STXBP5: variants seen among roughly 807,000 people sequenced by gnomAD.
STXBP5 encodes syntaxin binding protein 5.
STXBP5 carries 50 observed loss-of-function variants against 152.4 expected under a neutral mutation model. That is an observed-to-expected ratio of 0.33 (90% CI 0.26 to 0.42). The LOEUF (loss-of-function observed/expected upper bound fraction) is 0.42. Among genes scored for constraint, STXBP5 ranks in the 10% least tolerant of loss-of-function variants. STXBP5 has a pLI of 1.00. For synonymous variants in STXBP5, 492 were observed against 494.7 expected, an observed-to-expected ratio of 0.99 and a Z score of 0.07; for missense variants, 1,167 against 1,388.6, an observed-to-expected ratio of 0.84 and a Z score of 2.54.
At chr6:147,314,357 G>A in intron 13 of STXBP5, 26 bp downstream of exon 13, 3 of 1,587,792 alleles carry the variant, frequency 1.9e-6, no homozygotes, top group East Asian at 4.5e-5. Flanking sequence ...TCTTCACCAA[G>A]TAAATCTATA....
At chr6:147,362,227 T>C (rs1785100450) in intron 23 of STXBP5, among the ~76,000 whole-genome samples, 2 of 152,162 alleles carry the variant, frequency 1.3e-5, no homozygotes. Flanking sequence ...TTTTTTCTTC[T>C]AAAATGTTTT....
intron 16 of STXBP5, among the ~76,000 whole-genome samples, chr6:147,324,388 T>C (rs1783116072): frequency 6.9e-6 from 1 of 145,790 alleles, no homozygotes; most frequent in African/African-American, 2.5e-5. Flanking sequence ...TTCTCCTGCC[T>C]CAGCCTCCAG....
intron 11 of STXBP5, among the ~76,000 whole-genome samples, chr6:147,312,612 C>T (rs181482210): frequency 2.6e-4 from 40 of 152,206 alleles, no homozygotes; most frequent in Admixed American, 1.0e-3. Flanking sequence ...GGACAGTTCC[C>T]TACAGTAGAA....
At chr6:147,355,987 G>A (rs1784798086) in intron 22 of STXBP5, among the ~76,000 whole-genome samples, 1 of 152,012 alleles carries the variant, frequency 6.6e-6, no homozygotes, top group Admixed American at 6.6e-5. Flanking sequence ...AGTCTAGGCA[G>A]ATAATAAAAT....
intron 6 of STXBP5, among the ~76,000 whole-genome samples, 193 bp from the exon 7 acceptor site, chr6:147,266,891 A>G (rs998220534): frequency 6.6e-6 from 1 of 152,174 alleles, no homozygotes; most frequent in African/African-American, 2.4e-5. Flanking sequence ...TAATCATCAA[A>G]GACATATAAA....
chr6:147,240,197 C>G (rs765098544), intron 4 of STXBP5, among the ~76,000 whole-genome samples: 56 of 152,182 alleles, frequency 3.7e-4, no homozygotes, highest in Non-Finnish European at 7.2e-4. Context: ...CCGCCTCAGC[C>G]TCCCAAAGAG....
intron 9 of STXBP5, among the ~76,000 whole-genome samples, chr6:147,294,066 C>T (rs1044223265): frequency 6.6e-6 from 1 of 152,280 alleles, no homozygotes; most frequent in South Asian, 2.1e-4. Context: ...CAGATGTTCT[C>T]TAGCATAGGG....
At chr6:147,361,855 A>G (rs904627693) in intron 23 of STXBP5, among the ~76,000 whole-genome samples, 14 of 152,222 alleles carry the variant, frequency 9.2e-5, no homozygotes, top group African/African-American at 3.4e-4. Flanking sequence ...TTGAAAGAAA[A>G]GCTAGCTTTA....
chr6:147,252,508 T>TGACGACAAGATTAGAGAAAAAAG (rs1779147671), intron 4 of STXBP5, among the ~76,000 whole-genome samples: 7 of 151,750 alleles, frequency 4.6e-5, no homozygotes, highest in Admixed American at 4.6e-4. Context: ...AAATAAAGCA[T>TGACGACAAGATTAGAGAAAAAAG]GACGACAAGA....
At chr6:147,242,410 G>C (rs1173888220) in intron 4 of STXBP5, among the ~76,000 whole-genome samples, 3 of 151,952 alleles carry the variant, frequency 2.0e-5, no homozygotes, top group Middle Eastern at 6.3e-3. Flanking sequence ...ATTTAGCCTG[G>C]ACTAAGAGTC....
intron 16 of STXBP5, among the ~76,000 whole-genome samples, chr6:147,323,257 A>G (rs569412730): frequency 1.3e-5 from 2 of 152,148 alleles, no homozygotes; most frequent in African/African-American, 4.8e-5. Context: ...ATGTGTTTCA[A>G]TCTCCCTTTT....
intron 27 of STXBP5, 53 bp downstream of exon 27, chr6:147,383,051 G>A: frequency 1.3e-6 from 2 of 1,570,162 alleles, no homozygotes; most frequent in Non-Finnish European, 1.7e-6. Context: ...AAGCAAGTGT[G>A]AATGTTACTT....
chr6:147,340,743 G>A (rs1166904592), intron 21 of STXBP5, among the ~76,000 whole-genome samples: 1 of 151,994 alleles, frequency 6.6e-6, no homozygotes, highest in African/African-American at 2.4e-5. Flanking sequence ...TTTATTAAAT[G>A]TACTGACTAC....
In STXBP5 at chr6:147,213,483, C is replaced by CGT. The variant is rs1460108753; in HGVS notation, c.248+7416_248+7417insTG. Among the ~76,000 whole-genome samples, 180 of 126,948 alleles carry CGT rather than the reference C, an allele frequency of 1.4e-3. 2 individuals are homozygous for CGT. Among genetic ancestry groups the CGT allele is most frequent in the African/African-American group, 5.9e-3 (168 of 28,258 alleles). 83.3% of individuals were successfully genotyped at this position (126,948 alleles called of 152,430 possible). A position where few individuals can be genotyped will look rare whatever the true frequency, so the allele number is the denominator to read the frequency against. On this transcript the variant is annotated intron_variant, in intron 2 of 27. Coordinates refer to ENST00000321680, the MANE Select transcript of STXBP5 (RefSeq NM_001127715.4). ...GTGTGTGTGTGTGTGTGTGTGCGCGCGCATATATATATTTTTTCTTTTTCT... is the reference window on the plus strand; with the variant it reads ...GTGTGTGTGTGTGTGTGTGTGCGCGCGTGCATATATATATTTTTTCTTTTTCT...
chr6:147,320,575 G>GTA (rs1782880114), intron 16 of STXBP5, among the ~76,000 whole-genome samples: 1 of 126,788 alleles, frequency 7.9e-6, no homozygotes, highest in Non-Finnish European at 1.6e-5. Flanking sequence ...GTGTGTGTGT[G>GTA]TGTGTGTGTG....
In STXBP5 at chr6:147,389,685, G is replaced by A. The variant is rs1485947413; in HGVS notation, c.*4930G>A. On this transcript the variant is annotated 3_prime_UTR_variant, in exon 28 of 28. Transcript: ENST00000321680. ...TCCTATTTATTTGGTAGTTGGTTTT[G>A]TTTGTTTTTGTTTATTTACTTTTGC... is the stretch of plus-strand genomic sequence containing the variant. The A allele has an allele frequency of 6.6e-6, 1 of 151,756 alleles. No homozygotes were observed. The highest frequency in any genetic ancestry group is 2.4e-5 in the African/African-American group (1 of 41,390). The allele number at this position is 151,756 out of a possible 1,614,324, so 9.4% of individuals were successfully genotyped here. A position where few individuals can be genotyped will look rare whatever the true frequency, so the allele number is the denominator to read the frequency against.
chr6:147,220,210 G>C (rs967634622), intron 2 of STXBP5, among the ~76,000 whole-genome samples: 3 of 151,858 alleles, frequency 2.0e-5, no homozygotes, highest in Non-Finnish European at 4.4e-5. Flanking sequence ...TCGATTTCTA[G>C]TTTACTTCCA....
intron 25 of STXBP5, among the ~76,000 whole-genome samples, chr6:147,368,653 C>T (rs539838167): frequency 9.9e-5 from 15 of 152,108 alleles, no homozygotes; most frequent in African/African-American, 3.1e-4. Context: ...AAAAGGAAAG[C>T]GGCTGTCTTT....
chr6:147,258,808 A>C (rs916127867), intron 4 of STXBP5, among the ~76,000 whole-genome samples: 1 of 152,048 alleles, frequency 6.6e-6, no homozygotes, highest in Non-Finnish European at 1.5e-5. Context: ...GTATTATATA[A>C]AATCTTTCAT....
Sources: allele counts gnomAD v4.1 joint callset (sites outside exome capture counted in the v4.1 genomes callset), GRCh38; gene constraint gnomAD v4.1.1; transcripts MANE v1.5; gene names NCBI Gene and HGNC (gene_info 2026-07-23, HGNC 2026-07-21).